The following C9orf153 variants were observed in gnomAD, a reference collection of about 807,000 sequenced individuals.
C9orf153 encodes the protein chromosome 9 open reading frame 153, also known as uncharacterized protein C9orf153.
C9orf153 carries 10 observed loss-of-function variants against 9.0 expected under a neutral mutation model. The observed-to-expected ratio is 1.11, with a 90% CI of 0.69 to 1.89. C9orf153 has a LOEUF of 1.89. C9orf153 is among the 40% of genes most tolerant of loss of function. C9orf153 has a pLI of 0.00. For synonymous variants in C9orf153, 35 were observed against 37.3 expected, an observed-to-expected ratio of 0.94 and a Z score of 0.23; for missense variants, 108 against 111.0, an observed-to-expected ratio of 0.97 and a Z score of 0.12.
intron 1 of C9orf153, among the ~76,000 whole-genome samples, chr9:86,253,917 C>A (rs1825049770): frequency 6.6e-6 from 1 of 151,954 alleles, no homozygotes. Context: ...TGATGAAACC[C>A]TGTCTGTACT....
At chr9:86,225,833 G>T (rs1015040303) in intron 3 of C9orf153, among the ~76,000 whole-genome samples, 3 of 152,108 alleles carry the variant, frequency 2.0e-5, no homozygotes, top group Non-Finnish European at 4.4e-5. Flanking sequence ...TTACCTCTGG[G>T]ATCTCAGGAA....
chr9:86,228,274 A>G (rs1316826840), intron 2 of C9orf153, among the ~76,000 whole-genome samples: 2 of 152,202 alleles, frequency 1.3e-5, no homozygotes, highest in Admixed American at 6.5e-5. Flanking sequence ...ACGTCTTATA[A>G]ATGCTTGTTA....
At chr9:86,258,758 A>C (rs1825182125) in intron 1 of C9orf153, 3 of 152,160 alleles carry the variant, frequency 2.0e-5, no homozygotes, top group Admixed American at 2.0e-4. Flanking sequence ...ATATACTTAA[A>C]TTTTAGAGCA....
chr9:86,234,922 A>C (rs1457114017), intron 1 of C9orf153, among the ~76,000 whole-genome samples: 2 of 152,320 alleles, frequency 1.3e-5, no homozygotes, highest in African/African-American at 4.8e-5. Context: ...CTGGCATGCA[A>C]GGAGCTTGGA....
intron 1 of C9orf153, among the ~76,000 whole-genome samples, chr9:86,236,243 A>G (rs1006564296): frequency 1.3e-4 from 20 of 152,148 alleles, no homozygotes; most frequent in Non-Finnish European, 2.4e-4. Context: ...CTGTGAAATT[A>G]TCCTTCAAAA....
intron 1 of C9orf153, among the ~76,000 whole-genome samples, chr9:86,257,757 G>A (rs1825154539): frequency 6.6e-6 from 1 of 152,210 alleles, no homozygotes; most frequent in South Asian, 2.1e-4. Context: ...CTGAAAATAT[G>A]ACAATCAGAC....
intron 3 of C9orf153, chr9:86,227,266 C>G (rs780916694): frequency 8.7e-6 from 12 of 1,376,032 alleles, no homozygotes; most frequent in African/African-American, 1.5e-5. Flanking sequence ...CCCACCTAAA[C>G]CTCTCGGGTA....
chr9:86,235,741 CAAAA>C (rs60165641), intron 1 of C9orf153, among the ~76,000 whole-genome samples: 43 of 22,056 alleles, frequency 1.9e-3, no homozygotes, highest in African/African-American at 5.6e-3. Context: ...GACTCCATCT[CAAAA>C]AAAAAAAAAA....
At chr9:86,227,509 C>G (rs1824363265) in intron 3 of C9orf153, 1 of 1,370,098 alleles carries the variant, frequency 7.3e-7, no homozygotes, top group Non-Finnish European at 9.4e-7. Flanking sequence ...ATTTCCATTC[C>G]TTTTCTCCCA....
In C9orf153 at chr9:86,229,512, C is replaced by T. The variant is rs1233134635; in HGVS notation, c.66+26G>A. On this transcript the variant is annotated intron_variant, in intron 2 of 3. Coordinates refer to ENST00000339137, the MANE Select transcript of C9orf153 (RefSeq NM_001276366.4). ...TGAATGTAAAGCTCCCTGTGTACAC[C>T]TCGTTGTACAATGTTAAGTACATAC... 3 of 1,522,574 alleles carry T rather than the reference C, an allele frequency of 2.0e-6. No homozygotes were observed. In the Admixed American group the frequency reaches 5.1e-5, roughly 26 times the overall value. The allele number at this position is 1,522,574 out of a possible 1,614,324, so 94.3% of individuals were successfully genotyped here.
chr9:86,235,907 A>G (rs959568547), intron 1 of C9orf153, among the ~76,000 whole-genome samples: 2 of 152,072 alleles, frequency 1.3e-5, no homozygotes, highest in African/African-American at 4.8e-5. Context: ...TGAAGCAATA[A>G]TGATTTAAAA....
intron 1 of C9orf153, among the ~76,000 whole-genome samples, chr9:86,245,642 C>T (rs913505334): frequency 1.3e-5 from 2 of 152,152 alleles, no homozygotes; most frequent in African/African-American, 4.8e-5. Context: ...GATTGAGTAG[C>T]TTCTACCTCT....
intron 1 of C9orf153, among the ~76,000 whole-genome samples, chr9:86,240,694 T>C (rs1259807590): frequency 1.6e-5 from 1 of 64,246 alleles, no homozygotes; most frequent in African/African-American, 8.8e-5. Flanking sequence ...GCTTTTCTTT[T>C]CTTTTTCTTT....
intron 1 of C9orf153, among the ~76,000 whole-genome samples, chr9:86,234,659 T>C (rs961213264): frequency 1.3e-5 from 2 of 152,154 alleles, no homozygotes; most frequent in South Asian, 2.1e-4. Flanking sequence ...TAGACAATGG[T>C]TTCTTGCGTA....
chr9:86,229,260 G>GA (rs112787729), intron 2 of C9orf153, among the ~76,000 whole-genome samples: 103,260 of 139,490 alleles, frequency 0.74, 38,113 homozygotes, highest in African/African-American at 0.89. Context: ...TTTTCCTAAA[G>GA]AAAAAAAAAA....
chr9:86,234,081 C>CA (rs961684673), intron 1 of C9orf153, among the ~76,000 whole-genome samples: 70 of 149,726 alleles, frequency 4.7e-4, no homozygotes, highest in Middle Eastern at 3.4e-3. Flanking sequence ...GACTCTGTCT[C>CA]AAAAAAAAAT....
At chr9:86,227,148 T>A (rs1291848324) in intron 3 of C9orf153, among the ~76,000 whole-genome samples, 2 of 152,148 alleles carry the variant, frequency 1.3e-5, no homozygotes, top group African/African-American at 4.8e-5. Context: ...TTTTTATTTT[T>A]ACTTATTCAT....
At position 86,221,600 on chromosome 9, in the gene C9orf153, G is replaced by A; in HGVS notation, c.*88C>T. 6.7e-7 allele frequency: 1 copy of A among 1,487,366 alleles called. No individual in the cohort carries two copies. Among genetic ancestry groups the A allele is most frequent in the East Asian group, 2.7e-5 (1 of 37,602 alleles). 92.1% of individuals were successfully genotyped at this position (1,487,366 alleles called of 1,614,324 possible). On this transcript the variant is annotated 3_prime_UTR_variant, in exon 4 of 4. Coordinates refer to ENST00000339137, the MANE Select transcript of C9orf153 (RefSeq NM_001276366.4). ...TAGGGGGGAAAATAACGTCAGGCATGTCCTGGCTCTCTACAAATCTCTTCT... is the reference window on the plus strand; with the variant it reads ...TAGGGGGGAAAATAACGTCAGGCATATCCTGGCTCTCTACAAATCTCTTCT...
chr9:86,259,180 T>C (rs1380435959), intron 1 of C9orf153, among the ~76,000 whole-genome samples: 1 of 151,942 alleles, frequency 6.6e-6, no homozygotes, highest in Non-Finnish European at 1.5e-5. Flanking sequence ...CAAAGGACAC[T>C]GGGTGTGAGG....
Sources: allele counts gnomAD v4.1 joint callset (sites outside exome capture counted in the v4.1 genomes callset), GRCh38; gene constraint gnomAD v4.1.1; transcripts MANE v1.5; gene names NCBI Gene and HGNC (gene_info 2026-07-23, HGNC 2026-07-21).